Variants in VRTN observed in about 807,000 individuals in gnomAD.
VRTN encodes the protein vertnin.
In VRTN, 5 loss-of-function variants were observed where a neutral mutation model predicts 18.2. The observed-to-expected ratio is 0.27, with a 90% CI of 0.14 to 0.58. The LOEUF (loss-of-function observed/expected upper bound fraction) is 0.58, where lower values mean the gene tolerates loss of function less well. Among genes scored for constraint, VRTN ranks in the 20% least tolerant of loss-of-function variants. The probability of loss-of-function intolerance (pLI) is 0.91; values close to 1 mark genes in which losing one functional copy is unlikely to be tolerated. For missense variants in VRTN, 741 were observed against 939.4 expected (o/e 0.79, Z 2.76); for synonymous variants, 381 against 393.7 (o/e 0.97, Z 0.38).
At chr14:74,314,740 A>G (rs2085409366) in intron 1 of VRTN, among the ~76,000 whole-genome samples, 1 of 152,158 alleles carries the variant, frequency 6.6e-6, no homozygotes. Flanking sequence ...TCAGTGAAGC[A>G]TGACAGCTGT....
At chr14:74,348,842 GCTCT>G (rs1180677066) in intron 1 of VRTN, among the ~76,000 whole-genome samples, 190 bp downstream of exon 1, 6 of 151,544 alleles carry the variant, frequency 4.0e-5, no homozygotes, top group African/African-American at 1.5e-4. Flanking sequence ...ATTGTTTCAA[GCTCT>G]CTTTCTCCCC....
At chr14:74,328,347 T>C (rs2085500613) in intron 1 of VRTN, among the ~76,000 whole-genome samples, 1 of 152,112 alleles carries the variant, frequency 6.6e-6, no homozygotes, top group South Asian at 2.1e-4. Flanking sequence ...TCAGAAGCCA[T>C]TTCAGCCACA....
chr14:74,325,273 T>C (rs78912577), intron 1 of VRTN, among the ~76,000 whole-genome samples: 1,827 of 152,096 alleles, frequency 0.012, 29 homozygotes, highest in African/African-American at 0.041. Flanking sequence ...TAACGCAGAT[T>C]TGGGAATATG....
chr14:74,323,114 C>A (rs550402785), intron 1 of VRTN, among the ~76,000 whole-genome samples: 1 of 151,878 alleles, frequency 6.6e-6, no homozygotes, highest in African/African-American at 2.4e-5. Context: ...GCTTGGGTGA[C>A]AAAGTGAGAC....
At chr14:74,345,624 T>G (rs1390712934), upstream of VRTN, among the ~76,000 whole-genome samples, 1 of 151,786 alleles carries the variant, frequency 6.6e-6, no homozygotes, top group Non-Finnish European at 1.5e-5. Flanking sequence ...TAGCTTAACA[T>G]AAAACAAAAA....
chr14:74,357,759 C>G lies in VRTN; in HGVS notation c.976C>G (p.Arg326Gly). Residue 326 changes from arginine to glycine, a missense_variant, in exon 2 of 2, where the codon CGG (arginine) becomes GGG (glycine). Transcript: ENST00000256362. The surrounding 1 kb of genome is among the most constrained non-coding windows in gnomAD (Gnocchi z 7.8). ...GCACTTCCTGCAGGACAGCTTCCACCGGGGGGGCGTCGTGCCACTTCAGCA... is the reference window on the plus strand; with the variant it reads ...GCACTTCCTGCAGGACAGCTTCCACGGGGGGGGCGTCGTGCCACTTCAGCA... ...AKHFLQDSFH[R>G]GGVVPLQQFL... 6.2e-7 allele frequency: 1 copy of G among 1,613,068 alleles called. No homozygotes were observed. The highest frequency in any genetic ancestry group is 8.5e-7 in the Non-Finnish European group (1 of 1,180,006).
At chr14:74,354,259 A>G (rs778625848) in intron 1 of VRTN, among the ~76,000 whole-genome samples, 11 of 152,150 alleles carry the variant, frequency 7.2e-5, no homozygotes, top group Non-Finnish European at 1.2e-4. Context: ...TAGATGGAAA[A>G]AGGAGGAGTA....
At chr14:74,345,860 G>A (rs2085640653), upstream of VRTN, among the ~76,000 whole-genome samples, 1 of 149,840 alleles carries the variant, frequency 6.7e-6, no homozygotes. Flanking sequence ...GGAGTTGGAG[G>A]TTGAGGTGAG....
In VRTN at chr14:74,357,498, C is replaced by G. The variant is rs2085738730; in HGVS notation, c.715C>G (p.Pro239Ala). The G allele has an allele frequency of 1.9e-6, 3 of 1,612,878 alleles. No individual in the cohort carries two copies. In the South Asian group the frequency reaches 3.3e-5, roughly 18 times the overall value. The change falls in exon 2 of 2, where the codon CCT (proline) becomes GCT (alanine). Residue 239 changes from proline (P) to alanine (A), a missense_variant. Transcript: ENST00000256362. This position sits in a 1 kb window ranked among gnomAD's most constrained non-coding sequence, Gnocchi z 7.8. ...CTTCTTCCGCCACCAGTACTTTGCC[C>G]CTGTGGTGGGGCTGGAAGAGGTGGA... ...SHFFRHQYFA[P>A]VVGLEEVEAE...
upstream of VRTN, among the ~76,000 whole-genome samples, chr14:74,343,549 C>A (rs1046125325): frequency 6.6e-6 from 1 of 152,158 alleles, no homozygotes. Flanking sequence ...GGCTTACCCA[C>A]CGTAGCATGG....
chr14:74,329,574 G>A (rs1183946073), intron 1 of VRTN, among the ~76,000 whole-genome samples: 1 of 151,484 alleles, frequency 6.6e-6, no homozygotes, highest in Non-Finnish European at 1.5e-5. Flanking sequence ...TGCCTGGCCT[G>A]TGGAGGCATT....
chr14:74,324,681 A>G (rs2140198510), intron 1 of VRTN, among the ~76,000 whole-genome samples: 1 of 152,112 alleles, frequency 6.6e-6, no homozygotes, highest in South Asian at 2.1e-4. Context: ...TGAGCCCGGT[A>G]GTTTGAGGCC....
intron 1 of VRTN, among the ~76,000 whole-genome samples, chr14:74,306,922 T>C (rs2085356340): frequency 6.6e-6 from 1 of 152,076 alleles, no homozygotes; most frequent in Admixed American, 6.6e-5. Flanking sequence ...TGTTTTAATC[T>C]GTCTTTTTAC....
At chr14:74,310,797 C>T (rs747537431) in intron 1 of VRTN, among the ~76,000 whole-genome samples, 2 of 152,080 alleles carry the variant, frequency 1.3e-5, no homozygotes, top group Middle Eastern at 3.4e-3. Flanking sequence ...CTTGGCCTCC[C>T]GAAGTGGTGG....
intron 1 of VRTN, among the ~76,000 whole-genome samples, chr14:74,337,077 G>C (rs535364918): frequency 3.5e-4 from 54 of 152,234 alleles, no homozygotes; most frequent in Admixed American, 2.2e-3. Context: ...AGGTGCAGTG[G>C]GTCACGCCTG....
intron 2 of VRTN, among the ~76,000 whole-genome samples, chr14:74,340,092 C>T (rs952969586): frequency 2.7e-5 from 4 of 150,170 alleles, no homozygotes; most frequent in Admixed American, 6.7e-5. Context: ...TGTGCCACCA[C>T]ACTCAGCTAA....
intron 1 of VRTN, among the ~76,000 whole-genome samples, chr14:74,328,763 TG>T (rs1207589066): frequency 6.6e-6 from 1 of 152,188 alleles, no homozygotes; most frequent in Non-Finnish European, 1.5e-5. Context: ...TTCAGGAGGC[TG>T]AGATGGGTGG....
rs2085735307 is a variant in VRTN, at chr14:74,357,246, G to A, written c.463G>A (p.Ala155Thr). The change falls in exon 2 of 2, where the codon GCC (alanine) becomes ACC (threonine). Residue 155 changes from alanine (A) to threonine (T), a missense_variant. Ala to Thr is a moderately conservative substitution (Grantham distance 58). Around this residue, in one of 3 missense-constraint regions of VRTN, gnomAD observed 186 missense variants for 288.3 expected, o/e 0.65. Transcript: ENST00000256362. This position sits in a 1 kb window ranked among gnomAD's most constrained non-coding sequence, Gnocchi z 7.8. ...CAGCTTGCCCCCCGCCACGCTGGAG[G>A]CCATCTTCGATGCCGACGTCAAGGC... is the stretch of plus-strand genomic sequence containing the variant. Reference protein sequence around the residue: ...MTSLPPATLEAIFDADVKASC... With the variant: ...MTSLPPATLETIFDADVKASC... The A allele has an allele frequency of 6.2e-7, 1 of 1,613,412 alleles. No individual in the cohort carries two copies. The highest frequency in any genetic ancestry group is 1.3e-5 in the African/African-American group (1 of 74,920).
chr14:74,321,701 C>G (rs2085456898), intron 1 of VRTN, among the ~76,000 whole-genome samples: 1 of 151,750 alleles, frequency 6.6e-6, no homozygotes, highest in Non-Finnish European at 1.5e-5. Context: ...GCGGGGTTTC[C>G]CCATGTTGGC....
Sources: gnomAD v4.1 joint callset for allele counts (sites outside exome capture counted in the v4.1 genomes callset) on GRCh38, gnomAD v4.1.1 for gene constraint, gnomAD v4.1.1 regional missense constraint, Gnocchi (gnomAD v3.1) non-coding constraint, MANE v1.5 for transcripts, NCBI Gene and HGNC (gene_info 2026-07-23, HGNC 2026-07-21) for gene names.